Variants in ERICH1 observed in about 807,000 individuals in gnomAD.
ERICH1 encodes the protein glutamate-rich protein 1.
Under a neutral mutation model 39.6 loss-of-function variants are expected in ERICH1, and 56 were observed. That is an observed-to-expected ratio of 1.41 (90% CI 1.14 to 1.77). The LOEUF (loss-of-function observed/expected upper bound fraction) is 1.77, where lower values mean the gene tolerates loss of function less well. Among genes scored for constraint, ERICH1 ranks in the 40% most tolerant of loss-of-function variants. The pLI is 0.00. For synonymous variants in ERICH1, 313 were observed against 223.6 expected (o/e 1.40, Z -3.57); for missense variants, 826 against 575.4 (o/e 1.44, Z -4.45).
intron 3 of ERICH1, among the ~76,000 whole-genome samples, chr8:620,548 C>T (rs982876400): frequency 6.6e-6 from 1 of 152,070 alleles, no homozygotes; most frequent in Non-Finnish European, 1.5e-5. Context: ...TATTCATATT[C>T]TGTAGAAAAT....
At chr8:648,185 G>A (rs1585030921) in intron 3 of ERICH1, among the ~76,000 whole-genome samples, 1 of 67,016 alleles carries the variant, frequency 1.5e-5, no homozygotes, top group South Asian at 5.6e-4. Flanking sequence ...GCCTGAATGC[G>A]TCCCCTCCCC....
intron 3 of ERICH1, among the ~76,000 whole-genome samples, chr8:616,803 G>A (rs1457802634): frequency 1.1e-5 from 1 of 88,364 alleles, no homozygotes; most frequent in African/African-American, 5.1e-5. Flanking sequence ...GGGGAAGAGA[G>A]GGGGGAGGAA....
chr8:718,349 G>C (rs1475452668), intron 1 of ERICH1, among the ~76,000 whole-genome samples: 1 of 152,096 alleles, frequency 6.6e-6, no homozygotes, highest in Non-Finnish European at 1.5e-5. Context: ...GGAGCTAAAA[G>C]CGACATAATA....
At chr8:659,902 T>C (rs117648512), downstream of ERICH1, among the ~76,000 whole-genome samples, 2 of 151,676 alleles carry the variant, frequency 1.3e-5, no homozygotes, top group East Asian at 4.2e-4. Flanking sequence ...GGGGTGACCA[T>C]CGAGGCTTCC....
chr8:624,781 C>G (rs970284070), intron 3 of ERICH1, among the ~76,000 whole-genome samples: 1 of 152,026 alleles, frequency 6.6e-6, no homozygotes, highest in Non-Finnish European at 1.5e-5. Context: ...GGCCGGACTG[C>G]AGTGGCACGA....
intron 3 of ERICH1, among the ~76,000 whole-genome samples, chr8:622,932 T>C (rs1413093390): frequency 6.7e-6 from 1 of 150,144 alleles, no homozygotes; most frequent in Non-Finnish European, 1.5e-5. Context: ...TACTCCAACC[T>C]GGGCAACAGA....
chr8:672,242 T>C (rs1355400898), intron 4 of ERICH1: 1 of 152,256 alleles, frequency 6.6e-6, no homozygotes, highest in Non-Finnish European at 1.5e-5. Context: ...TTTACTGAGA[T>C]CTTTCTGAAT....
chr8:716,114 C>T, intron 1 of ERICH1, 107 bp from the exon 2 acceptor site: 4 of 1,368,622 alleles, frequency 2.9e-6, no homozygotes, highest in Non-Finnish European at 3.9e-6. Flanking sequence ...ATCCTGAAAG[C>T]ACCAACGGAG....
chr8:715,358 G>C (rs868080173), intron 2 of ERICH1, among the ~76,000 whole-genome samples: 1 of 152,252 alleles, frequency 6.6e-6, no homozygotes, highest in Non-Finnish European at 1.5e-5. Context: ...GCACTGCAGG[G>C]ACCAGAGCTG....
chr8:707,994 A>C (rs1813701005), intron 2 of ERICH1, among the ~76,000 whole-genome samples: 1 of 152,202 alleles, frequency 6.6e-6, no homozygotes, highest in African/African-American at 2.4e-5. Flanking sequence ...GTAAGCAGAT[A>C]TTTCTCTAAA....
At chr8:715,252 A>C (rs1177461665) in intron 2 of ERICH1, among the ~76,000 whole-genome samples, 2 of 145,502 alleles carry the variant, frequency 1.4e-5, no homozygotes, top group East Asian at 4.2e-4. Flanking sequence ...CAGGTGGTCT[A>C]TTCCCGTGTC....
At chr8:631,180 T>C (rs116622607) in intron 3 of ERICH1, among the ~76,000 whole-genome samples, 31 of 152,366 alleles carry the variant, frequency 2.0e-4, no homozygotes, top group African/African-American at 7.5e-4. Context: ...GGCCTGAAGC[T>C]TGGCTCTGGG....
At chr8:636,136 C>G (rs925563413) in intron 3 of ERICH1, among the ~76,000 whole-genome samples, 1 of 152,214 alleles carries the variant, frequency 6.6e-6, no homozygotes, top group Non-Finnish European at 1.5e-5. Flanking sequence ...TAATGTCTGG[C>G]GCGCTCTAAG....
At chr8:644,222 C>T (rs1269412038) in intron 3 of ERICH1, among the ~76,000 whole-genome samples, 1 of 152,212 alleles carries the variant, frequency 6.6e-6, no homozygotes, top group African/African-American at 2.4e-5. Flanking sequence ...CTCCTGGCCC[C>T]GTCCTAAGGC....
chr8:621,706 C>T (rs552753462), intron 3 of ERICH1, among the ~76,000 whole-genome samples: 6 of 151,322 alleles, frequency 4.0e-5, no homozygotes, highest in East Asian at 1.9e-4. Context: ...AGAAAGACTA[C>T]GAAAGAAAGA....
rs778917977 is a variant in ERICH1, at chr8:668,823, A to T, written c.1064-31T>A. ...TAAAGTCAGTTTTGCTTGGAAATAC[A>T]GTTTTGTTTTTATTTCTATAAACTA... On this transcript the variant is annotated intron_variant, in intron 4 of 5. Coordinates refer to ENST00000262109, the MANE Select transcript of ERICH1 (RefSeq NM_207332.3). The T allele has an allele frequency of 9.0e-6, 14 of 1,554,952 alleles. No individual in the cohort carries two copies. The Admixed American group carries it at 1.2e-4, about 13-fold the overall frequency.
chr8:731,207 C>T lies in ERICH1; in HGVS notation c.-46G>A. The T allele has an allele frequency of 1.4e-6, 2 of 1,432,338 alleles. No homozygotes were observed. The highest frequency in any genetic ancestry group is 1.8e-6 in the Non-Finnish European group (2 of 1,095,172). The allele number at this position is 1,432,338 out of a possible 1,614,324, so 88.7% of individuals were successfully genotyped here. A position where few individuals can be genotyped will look rare whatever the true frequency, so the allele number is the denominator to read the frequency against. On this transcript the variant is annotated 5_prime_UTR_variant, in exon 1 of 6. Transcript: ENST00000262109. Reference sequence around the variant, plus strand: ...TCAGACCACGGCGCGCGGTCCTGAGCTGAGCGCCGTGCCTTCCGGGTTCCG... The same window carrying T: ...TCAGACCACGGCGCGCGGTCCTGAGTTGAGCGCCGTGCCTTCCGGGTTCCG...
chr8:659,143 G>C (rs28707353), intron 3 of ERICH1, among the ~76,000 whole-genome samples: 1 of 10,452 alleles, frequency 9.6e-5, no homozygotes. Context: ...GGTGCACTGA[G>C]CATCCTGGGG....
chr8:716,577 C>G (rs1816060813), intron 1 of ERICH1, among the ~76,000 whole-genome samples: 1 of 152,226 alleles, frequency 6.6e-6, no homozygotes, highest in African/African-American at 2.4e-5. Flanking sequence ...GGTTTAACGA[C>G]TAAACAGAGA....
Sources: gnomAD v4.1 joint callset for allele counts (sites outside exome capture counted in the v4.1 genomes callset) on GRCh38, gnomAD v4.1.1 for gene constraint, MANE v1.5 for transcripts, NCBI Gene and HGNC (gene_info 2026-07-23, HGNC 2026-07-21) for gene names.